The following ARFGEF2 variants were observed in gnomAD, a reference collection of about 807,000 sequenced individuals.
ARFGEF2 encodes brefeldin A-inhibited guanine nucleotide-exchange protein 2.
In ARFGEF2, 74 loss-of-function variants were observed where a neutral mutation model predicts 219.9. That is an observed-to-expected ratio of 0.34 (90% CI 0.28 to 0.41). The LOEUF is 0.41. Among genes scored for constraint, ARFGEF2 ranks in the 10% least tolerant of loss-of-function variants. The pLI is 1.00. For missense variants in ARFGEF2, 1,743 were observed against 2,218.3 expected, an observed-to-expected ratio of 0.79 and a Z score of 4.30; for synonymous variants, 733 against 799.2, an observed-to-expected ratio of 0.92 and a Z score of 1.40.
At chr20:48,974,280 C>G (rs1484059316) in intron 12 of ARFGEF2, among the ~76,000 whole-genome samples, 1 of 151,800 alleles carries the variant, frequency 6.6e-6, no homozygotes, top group African/African-American at 2.4e-5. Flanking sequence ...TGCCTGCCAC[C>G]ACACCCGGCT....
intron 14 of ARFGEF2, among the ~76,000 whole-genome samples, chr20:48,977,049 A>G (rs956357642): frequency 2.6e-5 from 4 of 151,790 alleles, no homozygotes; most frequent in African/African-American, 9.7e-5. Context: ...ACATAGGTAT[A>G]CATGTGCCAT....
At chr20:48,977,865 T>A (rs998541285) in intron 14 of ARFGEF2, among the ~76,000 whole-genome samples, 1 of 152,222 alleles carries the variant, frequency 6.6e-6, no homozygotes, top group Non-Finnish European at 1.5e-5. Flanking sequence ...TCTTTGTAGA[T>A]TCTGGATATT....
chr20:48,997,540 T>C (rs1422639973), intron 23 of ARFGEF2, among the ~76,000 whole-genome samples: 1 of 152,234 alleles, frequency 6.6e-6, no homozygotes, highest in African/African-American at 2.4e-5. Flanking sequence ...CTCAAAGTGC[T>C]GGGATTGCAG....
At chr20:49,029,654 C>A (rs1042581871) in intron 37 of ARFGEF2, among the ~76,000 whole-genome samples, 3 of 147,422 alleles carry the variant, frequency 2.0e-5, no homozygotes, top group Non-Finnish European at 3.0e-5. Context: ...TGCAGTGGTG[C>A]AATCTCAGCT....
In ARFGEF2 at chr20:48,941,878, C is replaced by T; in HGVS notation, c.167C>T (p.Ala56Val). The change falls in exon 3 of 39, where the codon GCA becomes GTA. Residue 56 changes from alanine to valine, a missense_variant. Transcript: ENST00000371917. The part of the protein sequence containing the change: ...EIEKQRLGTA[A>V]PPKANFIEAD... ...TTTTCTCCTAGGCTTGGCACTGCTG[C>T]ACCACCAAAGGCAAACTTCATTGAA... 1.2e-6 allele frequency: 2 copies of T among 1,614,252 alleles called. No homozygotes were observed. The highest frequency in any genetic ancestry group is 1.6e-4 in the Middle Eastern group (1 of 6,062).
chr20:48,924,317 G>A (rs2090862310), intron 1 of ARFGEF2, among the ~76,000 whole-genome samples: 1 of 151,982 alleles, frequency 6.6e-6, no homozygotes, highest in Admixed American at 6.6e-5. Flanking sequence ...AAACCATCCT[G>A]GCTAACACGG....
intron 6 of ARFGEF2, among the ~76,000 whole-genome samples, chr20:48,961,368 G>C (rs2091149681): frequency 6.6e-6 from 1 of 151,938 alleles, no homozygotes; most frequent in South Asian, 2.1e-4. Context: ...GCCTAGGCCT[G>C]CACAGGGTCA....
chr20:49,015,872 G>T (rs1296151118), intron 30 of ARFGEF2, among the ~76,000 whole-genome samples: 1 of 152,082 alleles, frequency 6.6e-6, no homozygotes, highest in African/African-American at 2.4e-5. Context: ...ATTCTTTTAT[G>T]AATTACTCTT....
Position 48,995,786 on chromosome 20 carries a change from A to C in ARFGEF2, c.3125A>C (p.Asn1042Thr). ...GATTTTGTGCATTGTGTTTCAGGTA[A>C]TTTGGTGAGTGGCGGAGTGGATAAA... ...GEEFMGLGLG[N>T]LVSGGVDKRQ... Residue 1042 changes from asparagine (N) to threonine (T), a missense_variant, in exon 23 of 39, where the codon AAT (asparagine) becomes ACT (threonine). By Grantham distance (65) the Asn-to-Thr change is moderately conservative (BLOSUM62 0). Transcript: ENST00000371917. 6.2e-7 allele frequency: 1 copy of C among 1,614,024 alleles called. No homozygotes were observed. Among genetic ancestry groups the C allele is most frequent in the Non-Finnish European group, 8.5e-7 (1 of 1,179,954 alleles).
In ARFGEF2 at chr20:49,033,092, C is replaced by T. The variant is rs1448655140; in HGVS notation, c.5251C>T (p.Leu1751Phe). ...TATGCAGTTTGACCTGATCCCTGAG[C>T]TCCGAGCAGTTCTGCGGAAGTTCTT... ...EIMQFDLIPELRAVLRKFFLR... is the reference protein window; with the variant it reads ...EIMQFDLIPEFRAVLRKFFLR... The change falls in exon 39 of 39, where the codon CTC becomes TTC. Residue 1751 changes from leucine to phenylalanine, a missense_variant. Coordinates refer to ENST00000371917, the MANE Select transcript of ARFGEF2 (RefSeq NM_006420.3). The T allele has an allele frequency of 1.2e-6, 2 of 1,614,212 alleles. No individual in the cohort carries two copies. The highest frequency in any genetic ancestry group is 1.7e-6 in the Non-Finnish European group (2 of 1,180,026).
intron 1 of ARFGEF2, among the ~76,000 whole-genome samples, chr20:48,936,337 T>C (rs1158507001): frequency 1.6e-5 from 2 of 127,528 alleles, no homozygotes; most frequent in African/African-American, 3.1e-5. Flanking sequence ...GGCGGCTGGC[T>C]GGGCGGGGGG....
Position 48,985,443 on chromosome 20 carries a change from G to T in ARFGEF2, c.2106G>T (p.Arg702Ser), listed in dbSNP as rs1057522261. ...QVGDFLGDSA[R>S]FNKEVMYAYV... ...GCGATTTTCTGGGAGATAGCGCAAG[G>T]TTCAACAAGGAGGTGATGTATGCCT... The change falls in exon 16 of 39, where the codon AGG becomes AGT. Residue 702 changes from arginine (R) to serine (S), a missense_variant. Coordinates refer to ENST00000371917, the MANE Select transcript of ARFGEF2 (RefSeq NM_006420.3). 6.2e-7 allele frequency: 1 copy of T among 1,614,164 alleles called. No homozygotes were observed. The highest frequency in any genetic ancestry group is 1.3e-5 in the African/African-American group (1 of 75,036).
chr20:48,924,225 T>G (rs2090861759), intron 1 of ARFGEF2, among the ~76,000 whole-genome samples: 1 of 152,138 alleles, frequency 6.6e-6, no homozygotes, highest in African/African-American at 2.4e-5. Context: ...AAGAGAAATT[T>G]GGGGCCAGGT....
intron 25 of ARFGEF2, 32 bp downstream of exon 25, chr20:48,998,537 TAAAA>T (rs60107724): frequency 4.6e-5 from 66 of 1,433,850 alleles, no homozygotes; most frequent in Middle Eastern, 2.1e-4. Flanking sequence ...CCATTCCTGT[TAAAA>T]AAAAAAAAAA....
chr20:48,999,284 A>C, intron 25 of ARFGEF2: 2 of 449,052 alleles, frequency 4.5e-6, no homozygotes, highest in South Asian at 3.2e-5. Flanking sequence ...CAAGCCAAAG[A>C]CCCATCTGGG....
chr20:48,988,753 G>T, intron 18 of ARFGEF2, 91 bp downstream of exon 18: 1 of 1,172,540 alleles, frequency 8.5e-7, no homozygotes, highest in Non-Finnish European at 1.3e-6. Context: ...AATTTAATGT[G>T]CATAGCTGGA....
At chr20:48,960,522 C>A (rs1600612115) in intron 6 of ARFGEF2, among the ~76,000 whole-genome samples, 1 of 151,552 alleles carries the variant, frequency 6.6e-6, no homozygotes, top group East Asian at 2.0e-4. Flanking sequence ...TTGCTCCTGT[C>A]GCCTAGGCTG....
chr20:48,999,368 A>T, intron 25 of ARFGEF2: 1 of 349,894 alleles, frequency 2.9e-6, no homozygotes, highest in Non-Finnish European at 5.6e-6. Context: ...TATTATATAC[A>T]TACAGACATA....
intron 3 of ARFGEF2, among the ~76,000 whole-genome samples, chr20:48,943,064 T>C (rs1248212702): frequency 6.6e-6 from 1 of 152,096 alleles, no homozygotes; most frequent in Admixed American, 6.5e-5. Context: ...CAGCACACCC[T>C]CGGGGTCCAT....
Sources: allele counts gnomAD v4.1 joint callset (sites outside exome capture counted in the v4.1 genomes callset), GRCh38; gene constraint gnomAD v4.1.1; transcripts MANE v1.5; gene names NCBI Gene and HGNC (gene_info 2026-07-23, HGNC 2026-07-21).